Variants in OTOGL observed in about 807,000 individuals in gnomAD.
The protein encoded by OTOGL is otogelin-like protein.
Under a neutral mutation model 318.5 loss-of-function variants are expected in OTOGL, and 285 were observed. The ratio of observed to expected loss-of-function variants is 0.89; its 90% CI spans 0.81 to 0.99. The LOEUF is 0.99. Ranked by LOEUF, OTOGL falls within the 50% of genes least tolerant of loss-of-function variation. The probability of loss-of-function intolerance (pLI) is 0.00; values close to 1 mark genes in which losing one functional copy is unlikely to be tolerated. For synonymous variants in OTOGL, 987 were observed against 936.5 expected, an observed-to-expected ratio of 1.05 and a Z score of -0.99; for missense variants, 2,899 against 2,845.6, an observed-to-expected ratio of 1.02 and a Z score of -0.43.
At chr12:80,323,583 A>C in intron 34 of OTOGL, 140 bp from the exon 35 acceptor site, 1 of 630,562 alleles carries the variant, frequency 1.6e-6, no homozygotes, top group South Asian at 2.1e-5. Flanking sequence ...CAGGAGGCAG[A>C]GGTTGTGGTG....
At chr12:80,371,909 C>T (rs1890898587) in intron 56 of OTOGL, 110 bp from the exon 57 acceptor site, 2 of 548,998 alleles carry the variant, frequency 3.6e-6, no homozygotes, top group South Asian at 4.1e-5. Flanking sequence ...TCTATGAAGG[C>T]TTTGTGGTAT....
chr12:80,330,134 C>G (rs755583306), intron 37 of OTOGL, among the ~76,000 whole-genome samples: 4 of 151,940 alleles, frequency 2.6e-5, no homozygotes, highest in African/African-American at 9.7e-5. Flanking sequence ...GGAATTGTGC[C>G]GAAAGGTGGA....
At chr12:80,344,050 C>T (rs890775136) in intron 44 of OTOGL, among the ~76,000 whole-genome samples, 5 of 151,992 alleles carry the variant, frequency 3.3e-5, no homozygotes, top group Admixed American at 2.6e-4. Context: ...AGGGAAAAGA[C>T]GAAAGTATGA....
At chr12:80,101,281 C>T (rs1446195713) in intron 1 of OTOGL, among the ~76,000 whole-genome samples, 1 of 152,152 alleles carries the variant, frequency 6.6e-6, no homozygotes, top group Non-Finnish European at 1.5e-5. Flanking sequence ...CCTCATGGCT[C>T]TAAGTTCTTT....
chr12:80,159,307 G>T (rs1022401879), intron 1 of OTOGL, among the ~76,000 whole-genome samples: 2 of 151,944 alleles, frequency 1.3e-5, no homozygotes, highest in Non-Finnish European at 2.9e-5. Flanking sequence ...TTTTTGTTAT[G>T]TCCTTTGCTG....
intron 42 of OTOGL, among the ~76,000 whole-genome samples, chr12:80,337,523 C>T (rs1888492321): frequency 6.6e-6 from 1 of 151,744 alleles, no homozygotes; most frequent in Non-Finnish European, 1.5e-5. Flanking sequence ...TGAAGAAGCG[C>T]AATGTATTAT....
Position 80,265,230 on chromosome 12 carries a change from T to A in OTOGL, c.2224+20T>A, listed in dbSNP as rs1882863040. Reference sequence around the variant, plus strand: ...TCTGTGGTGAGTACAATGGCACAGATAAAGACTATCAGATAATACCTTAGA... The same window carrying A: ...TCTGTGGTGAGTACAATGGCACAGAAAAAGACTATCAGATAATACCTTAGA... On this transcript the variant is annotated intron_variant, in intron 20 of 58. Coordinates refer to ENST00000547103, the MANE Select transcript of OTOGL (RefSeq NM_001378609.3). 1 of 1,596,426 alleles carries A rather than the reference T, an allele frequency of 6.3e-7. No homozygotes were observed. The highest frequency in any genetic ancestry group is 8.6e-7 in the Non-Finnish European group (1 of 1,165,976).
At chr12:80,329,303 T>C (rs1219243458) in intron 37 of OTOGL, among the ~76,000 whole-genome samples, 184 bp downstream of exon 37, 1 of 152,202 alleles carries the variant, frequency 6.6e-6, no homozygotes, top group African/African-American at 2.4e-5. Context: ...TTCTAGAACT[T>C]CTGGCCTCAA....
At chr12:80,166,580 A>G (rs1389556889) in intron 1 of OTOGL, among the ~76,000 whole-genome samples, 3 of 152,172 alleles carry the variant, frequency 2.0e-5, no homozygotes, top group Admixed American at 6.6e-5. Flanking sequence ...CCAAAGAAGT[A>G]AGTTCATTTC....
Position 80,266,597 on chromosome 12 carries a change from C to T in OTOGL, c.2371C>T (p.Leu791Phe), listed in dbSNP as rs778681365. The change falls in exon 21 of 59, where the codon CTT (leucine) becomes TTT (phenylalanine). Residue 791 changes from leucine to phenylalanine, a missense_variant. Coordinates refer to ENST00000547103, the MANE Select transcript of OTOGL (RefSeq NM_001378609.3). ...CPEGKFYEDT[L>F]NFCVPIFHCR... is the part of the protein sequence containing the mutation. Reference sequence around the variant, plus strand: ...GGAAGGCAAATTCTATGAAGACACTCTTAACTTTTGTGTACCCATGTAAGT... The same window carrying T: ...GGAAGGCAAATTCTATGAAGACACTTTTAACTTTTGTGTACCCATGTAAGT... 3.7e-6 allele frequency: 6 copies of T among 1,613,264 alleles called. No individual in the cohort carries two copies. Among genetic ancestry groups the T allele is most frequent in the Non-Finnish European group, 5.1e-6 (6 of 1,179,640 alleles).
intron 1 of OTOGL, among the ~76,000 whole-genome samples, chr12:80,186,661 A>G (rs1875313751): frequency 6.6e-6 from 1 of 152,046 alleles, no homozygotes; most frequent in Non-Finnish European, 1.5e-5. Context: ...ACACATGGCA[A>G]TGTTTTAACT....
chr12:80,108,953 T>TATATATATATATATAC (rs1555268625), intron 1 of OTOGL, among the ~76,000 whole-genome samples: 4 of 142,752 alleles, frequency 2.8e-5, no homozygotes, highest in African/African-American at 1.0e-4. Flanking sequence ...TATATATATA[T>TATATATATATATATAC]ACACACACAC....
intron 35 of OTOGL, among the ~76,000 whole-genome samples, chr12:80,324,837 TAGC>T (rs1887575277): frequency 6.6e-6 from 1 of 152,206 alleles, no homozygotes; most frequent in Non-Finnish European, 1.5e-5. Flanking sequence ...ATTGGTCAAA[TAGC>T]AGTAATTTCA....
chr12:80,272,438 A>T (rs1883487055), intron 24 of OTOGL, among the ~76,000 whole-genome samples: 1 of 151,542 alleles, frequency 6.6e-6, no homozygotes, highest in Non-Finnish European at 1.5e-5. Context: ...TTCTACTCCT[A>T]TCTTCATAAA....
In OTOGL at chr12:80,356,548, G is replaced by C. The variant is rs186545135; in HGVS notation, c.5911+28G>C. ...AAGTAATCAATATAGAAAATTAAGAGTGAGGTTCATTGTTCATTCAGAACA... is the reference window on the plus strand; with the variant it reads ...AAGTAATCAATATAGAAAATTAAGACTGAGGTTCATTGTTCATTCAGAACA... On this transcript the variant is annotated intron_variant, in intron 48 of 58. Coordinates refer to ENST00000547103, the MANE Select transcript of OTOGL (RefSeq NM_001378609.3). 20 of 1,495,432 alleles carry C rather than the reference G, an allele frequency of 1.3e-5. No homozygotes were observed. In the South Asian group the frequency reaches 2.3e-4, roughly 17 times the overall value. The allele number at this position is 1,495,432 out of a possible 1,614,324, so 92.6% of individuals were successfully genotyped here. A position where few individuals can be genotyped will look rare whatever the true frequency, so the allele number is the denominator to read the frequency against.
At chr12:80,159,752 T>C (rs1384493875) in intron 1 of OTOGL, among the ~76,000 whole-genome samples, 1 of 152,012 alleles carries the variant, frequency 6.6e-6, no homozygotes. Flanking sequence ...AAAAAAATCC[T>C]AAAATTCATA....
At chr12:80,258,628 T>C (rs1258725059) in intron 18 of OTOGL, among the ~76,000 whole-genome samples, 9 of 152,126 alleles carry the variant, frequency 5.9e-5, no homozygotes, top group Non-Finnish European at 1.2e-4. Flanking sequence ...TTTGTGCACT[T>C]GTTATCATGC....
At chr12:80,360,109 C>T (rs1225545101) in intron 52 of OTOGL, among the ~76,000 whole-genome samples, 1 of 152,110 alleles carries the variant, frequency 6.6e-6, no homozygotes, top group Non-Finnish European at 1.5e-5. Context: ...TGTGAGACTG[C>T]CTTGTTTCTA....
intron 26 of OTOGL, among the ~76,000 whole-genome samples, chr12:80,284,893 T>A (rs1277271119): frequency 6.6e-6 from 1 of 152,208 alleles, no homozygotes; most frequent in Non-Finnish European, 1.5e-5. Flanking sequence ...TAGATCCCAT[T>A]TGTCAATTTT....
Sources: gnomAD v4.1 joint callset for allele counts (sites outside exome capture counted in the v4.1 genomes callset) on GRCh38, gnomAD v4.1.1 for gene constraint, MANE v1.5 for transcripts, NCBI Gene and HGNC (gene_info 2026-07-23, HGNC 2026-07-21) for gene names.